RNF216: variants seen among roughly 807,000 people sequenced by gnomAD.
RNF216 encodes ring finger protein 216, also known as E3 ubiquitin-protein ligase RNF216.
A neutral mutation model predicts 110.8 loss-of-function variants in RNF216; 72 were observed. The observed-to-expected ratio is 0.65, with a 90% CI of 0.54 to 0.79. RNF216 has a LOEUF of 0.79. Among genes scored for constraint, RNF216 ranks in the 30% least tolerant of loss-of-function variants. The pLI, the probability that RNF216 is intolerant of heterozygous loss-of-function variation, is 0.00. For missense variants in RNF216, 1,342 were observed against 1,141.2 expected (o/e 1.18, Z -2.54); for synonymous variants, 495 against 407.5 (o/e 1.21, Z -2.59).
At chr7:5,660,899 C>G (rs574739341) in intron 13 of RNF216, among the ~76,000 whole-genome samples, 1 of 148,776 alleles carries the variant, frequency 6.7e-6, no homozygotes, top group African/African-American at 2.5e-5. Context: ...AGGTCTAAAA[C>G]TCCTGCTTTT....
chr7:5,690,556 C>T (rs1441955619), intron 13 of RNF216, among the ~76,000 whole-genome samples: 1 of 152,118 alleles, frequency 6.6e-6, no homozygotes, highest in Non-Finnish European at 1.5e-5. Context: ...CCTTCACCTC[C>T]CCTAGAAACT....
At chr7:5,684,454 G>C (rs1410721409) in intron 13 of RNF216, among the ~76,000 whole-genome samples, 1 of 152,148 alleles carries the variant, frequency 6.6e-6, no homozygotes, top group Non-Finnish European at 1.5e-5. Flanking sequence ...AACAAATGCT[G>C]ATCTTTAGGC....
intron 1 of RNF216, among the ~76,000 whole-genome samples, chr7:5,772,775 C>CTTT (rs34504327): frequency 2.2e-5 from 3 of 133,560 alleles, no homozygotes; most frequent in Admixed American, 7.8e-5. Context: ...AAAGATATTC[C>CTTT]TTTTTTTTTT....
intron 13 of RNF216, among the ~76,000 whole-genome samples, chr7:5,685,250 G>A (rs1040820330): frequency 3.9e-5 from 6 of 152,276 alleles, no homozygotes; most frequent in Non-Finnish European, 5.9e-5. Flanking sequence ...CAGTGAGCAC[G>A]AACAAAACCA....
chr7:5,624,824 T>G lies in RNF216; in HGVS notation c.2383-699A>C, dbSNP rs970084264. On this transcript the variant is annotated intron_variant, in intron 15 of 16. Transcript: ENST00000389902. The surrounding 1 kb of genome is among the most constrained non-coding windows in gnomAD (Gnocchi z 4.4). ...AGATGTGGGAGCTGTGCTGGGAAAC[T>G]CAGGGGCCACACTGGGCAAGCCCCA... Among the ~76,000 whole-genome samples the G allele has an allele frequency of 7.2e-5, 11 of 152,164 alleles. No individual in the cohort carries two copies. The highest frequency in any genetic ancestry group is 2.7e-4 in the African/African-American group (11 of 41,426).
At chr7:5,656,239 A>G (rs537860887) in intron 13 of RNF216, among the ~76,000 whole-genome samples, 3 of 152,314 alleles carry the variant, frequency 2.0e-5, no homozygotes, top group Non-Finnish European at 4.4e-5. Context: ...ACTGCACTCC[A>G]GCCTGGGCGG....
chr7:5,628,557 C>G (rs557110332), intron 15 of RNF216, among the ~76,000 whole-genome samples: 3 of 152,290 alleles, frequency 2.0e-5, no homozygotes, highest in East Asian at 3.9e-4. Context: ...GTGTCTTGCT[C>G]TGCTGTCCAG....
chr7:5,659,481 G>A (rs1022624078), intron 13 of RNF216, among the ~76,000 whole-genome samples: 5 of 152,164 alleles, frequency 3.3e-5, no homozygotes, highest in African/African-American at 7.2e-5. Flanking sequence ...GGAGCCCAGT[G>A]GGGGAGAGTG....
At position 5,624,216 on chromosome 7, in the gene RNF216, GC is replaced by G; in HGVS notation, c.2383-92del. The G allele has an allele frequency of 9.2e-7, 1 of 1,081,526 alleles. No homozygotes were observed. The highest frequency in any genetic ancestry group is 1.4e-6 in the Non-Finnish European group (1 of 727,008). The allele number at this position is 1,081,526 out of a possible 1,614,324, so 67.0% of individuals were successfully genotyped here. ...GTGAGGAGGCCGCTTGTTGCTTATGGCCATGGAACAAGCCCGAAGCCTGCTG... is the reference window on the plus strand; with the variant it reads ...GTGAGGAGGCCGCTTGTTGCTTATGGCATGGAACAAGCCCGAAGCCTGCTG... On this transcript the variant is annotated intron_variant, in intron 15 of 16. Transcript: ENST00000389902. This position sits in a 1 kb window ranked among gnomAD's most constrained non-coding sequence, Gnocchi z 4.4.
chr7:5,657,873 A>C (rs1562796821), intron 13 of RNF216, among the ~76,000 whole-genome samples: 1 of 152,226 alleles, frequency 6.6e-6, no homozygotes, highest in Non-Finnish European at 1.5e-5. Context: ...AGATTCAGTG[A>C]ACTTTCTTTC....
chr7:5,641,090 T>G, intron 15 of RNF216, 64 bp downstream of exon 15: 1 of 1,296,736 alleles, frequency 7.7e-7, no homozygotes, highest in Non-Finnish European at 1.1e-6. Context: ...TTCAAAATAT[T>G]TGTCATAAAA....
chr7:5,773,794 C>T (rs905708111), intron 1 of RNF216, among the ~76,000 whole-genome samples: 3 of 152,172 alleles, frequency 2.0e-5, no homozygotes, highest in African/African-American at 7.2e-5. Flanking sequence ...TCTTGAACTC[C>T]TGACTTCAGT....
At chr7:5,653,590 G>A (rs1788534994) in intron 13 of RNF216, among the ~76,000 whole-genome samples, 1 of 92,888 alleles carries the variant, frequency 1.1e-5, no homozygotes. Context: ...GACAGAGCAA[G>A]ACTCTGTCTC....
intron 5 of RNF216, among the ~76,000 whole-genome samples, chr7:5,736,469 A>G (rs565951180): frequency 6.6e-6 from 1 of 152,272 alleles, no homozygotes; most frequent in African/African-American, 2.4e-5. Flanking sequence ...TCGGCTCGCT[A>G]CAACCTCCAC....
At chr7:5,688,257 G>GT (rs1159160280) in intron 13 of RNF216, among the ~76,000 whole-genome samples, 1 of 152,176 alleles carries the variant, frequency 6.6e-6, no homozygotes, top group Admixed American at 6.5e-5. Flanking sequence ...CTGTTAAAAT[G>GT]TAACTAGACA....
intron 8 of RNF216, among the ~76,000 whole-genome samples, chr7:5,723,845 G>A (rs1207961160): frequency 5.3e-5 from 8 of 151,518 alleles, no homozygotes; most frequent in Non-Finnish European, 1.2e-4. Flanking sequence ...AACAGATGAG[G>A]GATTCTTAGC....
chr7:5,714,987 C>A, intron 11 of RNF216, 66 bp downstream of exon 11: 2 of 1,464,412 alleles, frequency 1.4e-6, no homozygotes, highest in Admixed American at 2.0e-5. Flanking sequence ...ACTTATCTAT[C>A]AACATGGTCT....
rs141557075 is a variant in RNF216, at chr7:5,636,931, G to A, written c.2382+4223C>T. Among the ~76,000 whole-genome samples the A allele has an allele frequency of 1.5e-3, 234 of 152,280 alleles. 1 individual carries two copies. The highest frequency in any genetic ancestry group is 0.01 in the Middle Eastern group (3 of 294). ...ATCAATCCCAGGCATGGGAAGCAAC[G>A]GGAGGAGGCAGCAGAAGACACAGAA... On this transcript the variant is annotated intron_variant, in intron 15 of 16. Transcript: ENST00000389902.
chr7:5,747,568 T>C (rs907038001), intron 3 of RNF216, among the ~76,000 whole-genome samples: 1 of 151,896 alleles, frequency 6.6e-6, no homozygotes, highest in Admixed American at 6.6e-5. Flanking sequence ...AGACAGATCC[T>C]AAGGTTTTGT....
Sources: allele counts gnomAD v4.1 joint callset (sites outside exome capture counted in the v4.1 genomes callset), GRCh38; gene constraint gnomAD v4.1.1; non-coding constraint Gnocchi (gnomAD v3.1); transcripts MANE v1.5; gene names NCBI Gene and HGNC (gene_info 2026-07-23, HGNC 2026-07-21).